The following HPSE2 variants were observed in gnomAD, a reference collection of about 807,000 sequenced individuals.
HPSE2 encodes the protein inactive heparanase-2.
A neutral mutation model predicts 60.5 loss-of-function variants in HPSE2; 38 were observed. The ratio of observed to expected loss-of-function variants is 0.63; its 90% CI spans 0.48 to 0.82. The LOEUF is 0.82. Ranked by LOEUF, HPSE2 falls within the 40% of genes least tolerant of loss-of-function variation. HPSE2 has a pLI of 0.00. For missense variants in HPSE2, 713 were observed against 740.4 expected, an observed-to-expected ratio of 0.96 and a Z score of 0.43; for synonymous variants, 295 against 293.2, an observed-to-expected ratio of 1.01 and a Z score of -0.06.
At chr10:98,746,197 G>GAAATACATTTAATTATTATGTTTAGTTCC (rs1949624488) in intron 3 of HPSE2, among the ~76,000 whole-genome samples, 1 of 146,542 alleles carries the variant, frequency 6.8e-6, no homozygotes. Flanking sequence ...TCACATTCAG[G>GAAATACATTTAATTATTATGTTTAGTTCC]AAATACATTT....
At chr10:99,190,764 A>T (rs1428759837) in intron 2 of HPSE2, among the ~76,000 whole-genome samples, 3 of 152,214 alleles carry the variant, frequency 2.0e-5, no homozygotes, top group African/African-American at 7.2e-5. Context: ...ATAAAAATAA[A>T]AAAATCAGCT....
chr10:99,264,367 G>A, the HPSE2 span, among the ~76,000 whole-genome samples: 55 of 152,112 alleles, frequency 3.6e-4, no homozygotes, highest in Admixed American at 7.2e-4. Context: ...GATTACAGGC[G>A]TGAGGCACTG....
At chr10:99,247,523 G>A in the HPSE2 span, among the ~76,000 whole-genome samples, 2 of 152,124 alleles carry the variant, frequency 1.3e-5, no homozygotes, top group African/African-American at 4.8e-5. Flanking sequence ...TGTCATGATA[G>A]GATCAACACC....
intron 5 of HPSE2, among the ~76,000 whole-genome samples, chr10:98,712,581 T>C (rs532313853): frequency 6.6e-6 from 1 of 152,244 alleles, no homozygotes; most frequent in African/African-American, 2.4e-5. Context: ...AATCTGGATA[T>C]AAAATGGCAA....
intron 3 of HPSE2, among the ~76,000 whole-genome samples, chr10:99,108,111 T>C (rs1358221898): frequency 6.6e-6 from 1 of 152,200 alleles, no homozygotes; most frequent in Non-Finnish European, 1.5e-5. Flanking sequence ...GCCTCCTCTT[T>C]GAAAGATAGT....
chr10:99,112,226 A>G (rs1245569401), intron 3 of HPSE2, among the ~76,000 whole-genome samples: 4 of 152,128 alleles, frequency 2.6e-5, no homozygotes, highest in African/African-American at 9.7e-5. Context: ...AAGCCATAGG[A>G]GAACAAAATG....
Position 98,658,899 on chromosome 10 carries a change from T to C in HPSE2, c.1005-16959A>G, listed in dbSNP as rs147728554. Among the ~76,000 whole-genome samples the C allele has an allele frequency of 5.7e-3, 862 of 150,440 alleles. 8 individuals carry two copies. Among genetic ancestry groups the C allele is most frequent in the African/African-American group, 0.02 (814 of 41,132 alleles). ...TGGTTTCTTTTGTATGTATCTTGAT[T>C]GATACTGGCAGAGTTTTTTTTTTTT... is the stretch of plus-strand genomic sequence containing the variant. On this transcript the variant is annotated intron_variant, in intron 6 of 11. Transcript: ENST00000370552.
At chr10:98,794,424 T>C (rs757425153) in intron 3 of HPSE2, among the ~76,000 whole-genome samples, 2 of 152,070 alleles carry the variant, frequency 1.3e-5, no homozygotes. Context: ...TTTGTATTTT[T>C]AGTAGAGATG....
intron 3 of HPSE2, among the ~76,000 whole-genome samples, chr10:99,012,202 T>G (rs1957033722): frequency 6.6e-6 from 1 of 152,122 alleles, no homozygotes; most frequent in Non-Finnish European, 1.5e-5. Flanking sequence ...ATAATTTTAA[T>G]CACAATTTAT....
At chr10:98,602,445 G>A (rs900171523) in intron 9 of HPSE2, among the ~76,000 whole-genome samples, 16 of 152,104 alleles carry the variant, frequency 1.1e-4, no homozygotes, top group Admixed American at 6.5e-4. Context: ...ACTCAAAACT[G>A]AAAGTAGTAA....
chr10:98,809,408 G>T (rs1046733970), intron 3 of HPSE2, among the ~76,000 whole-genome samples: 1 of 152,020 alleles, frequency 6.6e-6, no homozygotes, highest in Admixed American at 6.6e-5. Flanking sequence ...AATTAAGATT[G>T]ATCAATCTGT....
At chr10:98,528,504 A>G (rs1943037531) in intron 9 of HPSE2, among the ~76,000 whole-genome samples, 1 of 152,184 alleles carries the variant, frequency 6.6e-6, no homozygotes, top group Non-Finnish European at 1.5e-5. Flanking sequence ...TGCTTTGATC[A>G]ACACTCATTT....
intron 3 of HPSE2, among the ~76,000 whole-genome samples, chr10:98,822,646 C>G (rs547468747): frequency 6.6e-6 from 1 of 151,992 alleles, no homozygotes; most frequent in East Asian, 1.9e-4. Flanking sequence ...AAACAGAAAA[C>G]AAAACCCATA....
At chr10:98,918,684 T>G (rs1230816064) in intron 3 of HPSE2, among the ~76,000 whole-genome samples, 3 of 69,782 alleles carry the variant, frequency 4.3e-5, no homozygotes, top group Non-Finnish European at 7.9e-5. Context: ...TCTTGTGGGG[T>G]GGGGGGAGGG....
At chr10:98,593,339 G>A (rs1001123906) in intron 9 of HPSE2, among the ~76,000 whole-genome samples, 2 of 152,170 alleles carry the variant, frequency 1.3e-5, no homozygotes, top group African/African-American at 4.8e-5. Flanking sequence ...TCTGGGACTG[G>A]CTCATTGGAA....
chr10:99,061,688 G>A (rs2135524856), intron 3 of HPSE2, among the ~76,000 whole-genome samples: 1 of 152,300 alleles, frequency 6.6e-6, no homozygotes, highest in South Asian at 2.1e-4. Context: ...AGTTAAGATG[G>A]TTAGGAGCAC....
chr10:99,298,669 C>CTTTTTTTTTTTTTTTTTTTTT, the HPSE2 span, among the ~76,000 whole-genome samples: 1 of 144,090 alleles, frequency 6.9e-6, no homozygotes, highest in Non-Finnish European at 1.5e-5. Context: ...TATGTATAGG[C>CTTTTTTTTTTTTTTTTTTTTT]TTTTTTTTTT....
intron 3 of HPSE2, among the ~76,000 whole-genome samples, chr10:99,101,151 A>T (rs1441472798): frequency 6.6e-6 from 1 of 152,232 alleles, no homozygotes. Flanking sequence ...TTAACCTTAA[A>T]TATAAATGGG....
intron 2 of HPSE2, among the ~76,000 whole-genome samples, chr10:99,160,615 C>T (rs1846789084): frequency 2.0e-5 from 3 of 152,172 alleles, no homozygotes. Context: ...AAGATTTCTA[C>T]ATGGCCGGGC....
Sources: gnomAD v4.1 joint callset for allele counts (sites outside exome capture counted in the v4.1 genomes callset) on GRCh38, gnomAD v4.1.1 for gene constraint, MANE v1.5 for transcripts, NCBI Gene and HGNC (gene_info 2026-07-23, HGNC 2026-07-21) for gene names.